The following PASD1 variants were observed in gnomAD, a reference collection of about 807,000 sequenced individuals.
PASD1 encodes the protein circadian clock protein PASD1.
A neutral mutation model predicts 58.8 loss-of-function variants in PASD1; 13 were observed. That is an observed-to-expected ratio of 0.22 (90% CI 0.14 to 0.35). The LOEUF is 0.35. Ranked by LOEUF, PASD1 falls within the 10% of genes least tolerant of loss-of-function variation. The pLI is 1.00. For missense variants in PASD1, 734 were observed against 568.3 expected (o/e 1.29, Z -2.96); for synonymous variants, 236 against 216.7 (o/e 1.09, Z -0.78).
At chrX:151,570,992 T>C (rs925489040) in intron 1 of PASD1, among the ~76,000 whole-genome samples, 1 of 111,876 alleles carries the variant, frequency 8.9e-6, no homozygotes, top group Non-Finnish European at 1.9e-5. Flanking sequence ...ACCACCTTTA[T>C]GCAAATCTCT....
chrX:151,605,815 C>T (rs1046685898), intron 3 of PASD1, among the ~76,000 whole-genome samples: 4 of 111,243 alleles, frequency 3.6e-5, no homozygotes, highest in Non-Finnish European at 7.5e-5. Context: ...CTCCCAAGCT[C>T]CTGGGCTCAA....
chrX:151,578,273 T>G (rs1277585090), intron 1 of PASD1: 2 of 112,434 alleles, frequency 1.8e-5, no homozygotes, highest in Non-Finnish European at 3.8e-5. Flanking sequence ...TATTTTTGCT[T>G]AATCCTGTTA....
chrX:151,629,342 A>G (rs1210596596), intron 8 of PASD1, among the ~76,000 whole-genome samples: 6 of 110,568 alleles, frequency 5.4e-5, no homozygotes, highest in African/African-American at 1.3e-4. Flanking sequence ...CTGGTCTCGA[A>G]CTCCTGACCT....
chrX:151,604,664 G>T lies in PASD1; in HGVS notation c.47G>T (p.Ser16Ile). Residue 16 changes from serine to isoleucine, a missense_variant, in exon 3 of 16, where the codon AGC becomes ATC. By Grantham distance (142) the Ser-to-Ile change is moderately radical. Coordinates refer to ENST00000370357, the MANE Select transcript of PASD1 (RefSeq NM_173493.3). ...TAAAAAGACAAAGTCAATCCAAAAA[G>T]CTCTCAAAGGAAATTAAACTGGATT... The part of the protein sequence containing the change: ...EKRRDKVNPK[S>I]SQRKLNWIPS... 8.3e-7 allele frequency: 1 copy of T among 1,204,790 alleles called. No individual in the cohort carries two copies. The highest frequency in any genetic ancestry group is 1.8e-5 in the South Asian group (1 of 56,191).
intron 8 of PASD1, among the ~76,000 whole-genome samples, chrX:151,640,494 G>T (rs1378331900): frequency 8.9e-6 from 1 of 112,034 alleles, no homozygotes; most frequent in African/African-American, 3.2e-5. Context: ...TCCTCTTTGA[G>T]TGAGAGATGC....
Position 151,629,729 on chromosome X carries a change from T to C in PASD1, c.629+4199T>C, listed in dbSNP as rs960089480. On this transcript the variant is annotated intron_variant, in intron 8 of 15. Transcript: ENST00000370357. ...TGACTGAGACACAATAGCAGCACAC[T>C]GACATGCTCTTGTCTAGGCATGCAT... is the stretch of plus-strand genomic sequence containing the variant. 5.3e-5 allele frequency among the ~76,000 whole-genome samples: 6 copies of C among 112,323 alleles called. No homozygotes were observed. The Admixed American group carries it at 5.7e-4, about 11-fold the overall frequency.
intron 9 of PASD1, among the ~76,000 whole-genome samples, chrX:151,651,773 AC>A (rs2014131539): frequency 8.9e-6 from 1 of 111,926 alleles, no homozygotes. Context: ...CCCACAACAG[AC>A]CTGTGAGGCA....
At chrX:151,576,934 C>T (rs1178667957) in intron 1 of PASD1, among the ~76,000 whole-genome samples, 1 of 111,673 alleles carries the variant, frequency 9.0e-6, no homozygotes, top group African/African-American at 3.3e-5. Flanking sequence ...ATTTATAAAT[C>T]TTAAGATATA....
rs1483881010 is a variant in PASD1, at chrX:151,583,518, T to G, written c.-27-18009T>G. ...TCCCTGTCAAGTCCCAGCGTAGTTT[T>G]TTTTGTGTGTGTGCTTTGGAAGAAG... On this transcript the variant is annotated intron_variant, in intron 1 of 15. Coordinates refer to ENST00000370357, the MANE Select transcript of PASD1 (RefSeq NM_173493.3). Among the ~76,000 whole-genome samples, 3 of 112,051 alleles carry G rather than the reference T, an allele frequency of 2.7e-5. No individual in the cohort carries two copies. In the Admixed American group the frequency reaches 2.8e-4, roughly 11 times the overall value.
At chrX:151,630,436 G>A (rs896027718) in intron 8 of PASD1, among the ~76,000 whole-genome samples, 7 of 112,159 alleles carry the variant, frequency 6.2e-5, no homozygotes, top group East Asian at 2.8e-4. Context: ...AATACATTCC[G>A]GGCCATGAGA....
In PASD1 at chrX:151,647,577, C is replaced by T. The variant is rs537973682; in HGVS notation, c.630-1038C>T. On this transcript the variant is annotated intron_variant, in intron 8 of 15. Transcript: ENST00000370357. ...TTATATATTTTAAACATTCTGTATT[C>T]GATATAGTCCAGTTATACATGCAAA... is the stretch of plus-strand genomic sequence containing the variant. Among the ~76,000 whole-genome samples, 14 of 109,094 alleles carry T rather than the reference C, an allele frequency of 1.3e-4. No homozygotes were observed. The South Asian group carries it at 3.5e-3, about 27-fold the overall frequency. The allele number at this position is 109,094 out of a possible 115,157, so 94.7% of individuals were successfully genotyped here. A position where few individuals can be genotyped will look rare whatever the true frequency, so the allele number is the denominator to read the frequency against.
chrX:151,605,225 C>T (rs1369177307), intron 3 of PASD1, among the ~76,000 whole-genome samples: 4 of 111,866 alleles, frequency 3.6e-5, no homozygotes, highest in Non-Finnish European at 5.6e-5. Flanking sequence ...TTGCCTTTGT[C>T]CCTTACTTGC....
intron 11 of PASD1, among the ~76,000 whole-genome samples, chrX:151,669,294 C>T (rs938158026): frequency 4.7e-5 from 5 of 105,522 alleles, no homozygotes; most frequent in South Asian, 8.3e-4. Flanking sequence ...TTATGTTGTA[C>T]ATAGTTTTGG....
In PASD1 at chrX:151,604,714, T is replaced by C; in HGVS notation, c.97T>C (p.Phe33Leu). The change falls in exon 3 of 16, where the codon TTC becomes CTC. Residue 33 changes from phenylalanine (F) to leucine (L), a missense_variant. Coordinates refer to ENST00000370357, the MANE Select transcript of PASD1 (RefSeq NM_173493.3). ...WIPSFPTYDYFNQVTLQLLDG... is the reference protein window; with the variant it reads ...WIPSFPTYDYLNQVTLQLLDG... ...TCCATCATTTCCTACCTATGATTAC[T>C]TCAACCAAGTGACGCTACAGGTAAG... 8.3e-7 allele frequency: 1 copy of C among 1,206,261 alleles called. No individual in the cohort carries two copies. The highest frequency in any genetic ancestry group is 1.1e-6 in the Non-Finnish European group (1 of 890,936).
chrX:151,634,355 C>A (rs1345701101), intron 8 of PASD1, among the ~76,000 whole-genome samples: 1 of 110,940 alleles, frequency 9.0e-6, no homozygotes, highest in Non-Finnish European at 1.9e-5. Context: ...TCAAATACTT[C>A]TATGTATTTC....
chrX:151,574,962 T>G (rs1195279699), intron 1 of PASD1, among the ~76,000 whole-genome samples: 1 of 111,859 alleles, frequency 8.9e-6, no homozygotes, highest in East Asian at 2.8e-4. Flanking sequence ...ATCACGCACT[T>G]TTGTATCTAT....
intron 1 of PASD1, among the ~76,000 whole-genome samples, chrX:151,592,513 A>G (rs2013263969): frequency 8.9e-6 from 1 of 112,264 alleles, no homozygotes; most frequent in Admixed American, 9.4e-5. Context: ...ATAAAGATGT[A>G]TAAATGTAAT....
intron 4 of PASD1, 84 bp from the exon 5 acceptor site, chrX:151,620,846 A>G (rs1216191058): frequency 1.9e-6 from 1 of 537,978 alleles, no homozygotes; most frequent in East Asian, 3.7e-5. Context: ...GAGGAACTGA[A>G]CAGTATTAAC....
chrX:151,673,773 C>A, intron 14 of PASD1, 155 bp from the exon 15 acceptor site: 1 of 611,340 alleles, frequency 1.6e-6, no homozygotes, highest in Non-Finnish European at 2.6e-6. Context: ...CAAGTTGAAT[C>A]TTAGTCAGGC....
Sources: allele counts gnomAD v4.1 joint callset (sites outside exome capture counted in the v4.1 genomes callset), GRCh38; gene constraint gnomAD v4.1.1; transcripts MANE v1.5; gene names NCBI Gene and HGNC (gene_info 2026-07-23, HGNC 2026-07-21).